FAM210A: variants seen among roughly 807,000 people sequenced by gnomAD.
The protein encoded by FAM210A is family with sequence similarity 210 member A.
FAM210A carries 13 observed loss-of-function variants against 25.3 expected under a neutral mutation model. The observed-to-expected ratio is 0.51, with a 90% CI of 0.33 to 0.82. FAM210A has a LOEUF of 0.82. FAM210A is among the 40% of genes least tolerant of loss of function. The pLI is 0.02. For missense variants in FAM210A, 319 were observed against 323.2 expected (o/e 0.99, Z 0.10); for synonymous variants, 125 against 118.7 (o/e 1.05, Z -0.35).
intron 1 of FAM210A, among the ~76,000 whole-genome samples, chr18:13,712,213 A>C (rs1369972746): frequency 6.6e-6 from 1 of 152,208 alleles, no homozygotes; most frequent in Non-Finnish European, 1.5e-5. Context: ...AACTTGTTTA[A>C]ATTATAAGAA....
chr18:13,670,013 A>C (rs1317114263), intron 3 of FAM210A, among the ~76,000 whole-genome samples: 1 of 152,138 alleles, frequency 6.6e-6, no homozygotes, highest in Non-Finnish European at 1.5e-5. Flanking sequence ...GGGGGAAGAA[A>C]CACCACTGGC....
At chr18:13,718,099 T>TC (rs1237359320) in intron 1 of FAM210A, among the ~76,000 whole-genome samples, 2 of 152,138 alleles carry the variant, frequency 1.3e-5, no homozygotes, top group Non-Finnish European at 2.9e-5. Flanking sequence ...GCTTGACACT[T>TC]TGAGATGCTA....
intron 2 of FAM210A, among the ~76,000 whole-genome samples, chr18:13,679,357 T>C (rs1323635539): frequency 6.6e-6 from 1 of 152,256 alleles, no homozygotes; most frequent in African/African-American, 2.4e-5. Context: ...TAGCCTCTTG[T>C]CAGGTGAATT....
chr18:13,706,294 C>A (rs2043777373), intron 1 of FAM210A, among the ~76,000 whole-genome samples: 1 of 150,244 alleles, frequency 6.7e-6, no homozygotes, highest in Non-Finnish European at 1.5e-5. Flanking sequence ...TACCATGAGA[C>A]TCTTATCTTT....
chr18:13,722,200 C>A (rs919985306), intron 1 of FAM210A, among the ~76,000 whole-genome samples: 3 of 151,820 alleles, frequency 2.0e-5, no homozygotes, highest in African/African-American at 7.3e-5. Context: ...CCAATTAGGA[C>A]CCCCAAGTCA....
At chr18:13,715,275 C>T (rs1038354598) in intron 1 of FAM210A, 8 of 152,292 alleles carry the variant, frequency 5.3e-5, no homozygotes, top group South Asian at 4.1e-4. Flanking sequence ...TGATACCGAA[C>T]TTAGTGCAGA....
chr18:13,720,415 G>A (rs1244304960), intron 1 of FAM210A, among the ~76,000 whole-genome samples: 7 of 152,088 alleles, frequency 4.6e-5, no homozygotes, highest in African/African-American at 2.4e-5. Flanking sequence ...ACACCCAAAT[G>A]AGGAATTTGT....
intron 1 of FAM210A, among the ~76,000 whole-genome samples, chr18:13,725,858 T>C (rs1310812217): frequency 6.6e-6 from 1 of 152,110 alleles, no homozygotes; most frequent in African/African-American, 2.4e-5. Context: ...CAAGAAGAGG[T>C]ATAGGCGGTC....
chr18:13,702,120 A>G (rs2043745652), intron 1 of FAM210A, among the ~76,000 whole-genome samples: 1 of 152,226 alleles, frequency 6.6e-6, no homozygotes. Context: ...GCAGCCAGCC[A>G]GGTCACAGGG....
At chr18:13,691,004 T>G (rs2043639400) in intron 1 of FAM210A, among the ~76,000 whole-genome samples, 1 of 152,060 alleles carries the variant, frequency 6.6e-6, no homozygotes, top group African/African-American at 2.4e-5. Context: ...GCTAAAAACC[T>G]TGAAAAAAGA....
chr18:13,671,487 G>A (rs942930959), intron 3 of FAM210A, among the ~76,000 whole-genome samples: 13 of 152,104 alleles, frequency 8.5e-5, no homozygotes, highest in Admixed American at 7.2e-4. Flanking sequence ...ACCACAGGAA[G>A]TTATGAATGA....
At chr18:13,714,517 G>C (rs2043845427) in intron 1 of FAM210A, among the ~76,000 whole-genome samples, 1 of 152,198 alleles carries the variant, frequency 6.6e-6, no homozygotes, top group East Asian at 1.9e-4. Context: ...GAGCAAGAAA[G>C]TGATATGATA....
chr18:13,703,555 T>C (rs1325001276), intron 1 of FAM210A, among the ~76,000 whole-genome samples: 2 of 152,210 alleles, frequency 1.3e-5, no homozygotes, highest in African/African-American at 2.4e-5. Flanking sequence ...TGTTAGGCAC[T>C]AGAAACTGCA....
intron 1 of FAM210A, among the ~76,000 whole-genome samples, chr18:13,722,414 G>A (rs961671300): frequency 1.3e-5 from 2 of 151,938 alleles, no homozygotes; most frequent in South Asian, 4.1e-4. Flanking sequence ...GGATTCCTGA[G>A]GAAAACCGGC....
intron 1 of FAM210A, among the ~76,000 whole-genome samples, chr18:13,708,330 G>C (rs557330778): frequency 6.6e-6 from 1 of 152,186 alleles, no homozygotes; most frequent in Non-Finnish European, 1.5e-5. Context: ...CCACCCTTTC[G>C]GCACCTCCAT....
intron 1 of FAM210A, among the ~76,000 whole-genome samples, chr18:13,689,978 G>A (rs1327480408): frequency 6.6e-6 from 1 of 152,224 alleles, no homozygotes; most frequent in Non-Finnish European, 1.5e-5. Context: ...CCTGGGAAGT[G>A]CAATGGGTCA....
chr18:13,719,728 A>T (rs903556275), intron 1 of FAM210A, among the ~76,000 whole-genome samples: 30 of 2,134 alleles, frequency 0.014, no homozygotes, highest in Admixed American at 0.094. Context: ...ACATGAATTA[A>T]AAAAAAAAAA....
intron 1 of FAM210A, among the ~76,000 whole-genome samples, chr18:13,699,850 G>C (rs1184550982): frequency 6.6e-6 from 1 of 152,056 alleles, no homozygotes; most frequent in Non-Finnish European, 1.5e-5. Flanking sequence ...TCTATGACCT[G>C]GTCAAACCAA....
At position 13,664,895 on chromosome 18, in the gene FAM210A, A is replaced by C. The variant is rs139803061; in HGVS notation, c.*1585T>G. 626 of 152,476 alleles carry C rather than the reference A, an allele frequency of 4.1e-3. 1 individual carries two copies. Among genetic ancestry groups the C allele is most frequent in the Non-Finnish European group, 7.5e-3 (512 of 68,038 alleles). The allele number at this position is 152,476 out of a possible 1,614,324, so 9.4% of individuals were successfully genotyped here. A position where few individuals can be genotyped will look rare whatever the true frequency, so the allele number is the denominator to read the frequency against. ...TAGCAGATAAGTCAAAACAAGGACA[A>C]TCTAAGAGGCCATTCCCTCATCCAA... On this transcript the variant is annotated 3_prime_UTR_variant, in exon 4 of 4. Coordinates refer to ENST00000651643, the MANE Select transcript of FAM210A (RefSeq NM_152352.4).
Sources: gnomAD v4.1 joint callset for allele counts (sites outside exome capture counted in the v4.1 genomes callset) on GRCh38, gnomAD v4.1.1 for gene constraint, MANE v1.5 for transcripts, NCBI Gene and HGNC (gene_info 2026-07-23, HGNC 2026-07-21) for gene names.